KIF19: variants seen among roughly 807,000 people sequenced by gnomAD.
KIF19 encodes the protein kinesin family member 19.
KIF19 carries 98 observed loss-of-function variants against 106.6 expected under a neutral mutation model. The ratio of observed to expected loss-of-function variants is 0.92; its 90% confidence interval spans 0.78 to 1.09. KIF19 has a LOEUF of 1.09. Ranked by LOEUF, KIF19 falls within the 50% of genes least tolerant of loss-of-function variation. The pLI, the probability that KIF19 is intolerant of heterozygous loss-of-function variation, is 0.00. For synonymous variants in KIF19, 516 were observed against 584.2 expected (o/e 0.88, Z 1.68); for missense variants, 1,373 against 1,414.3 (o/e 0.97, Z 0.47).
rs2053976603 is a variant in KIF19, at chr17:74,328,469, A to G, written c.84A>G (p.Glu28=). The change falls in exon 2 of 20, where the codon GAA becomes GAG. Residue 28 remains glutamate, a synonymous_variant. Transcript: ENST00000389916. The part of the protein sequence containing the change: ...VRPISVAELE[E]GATLIAHKVD... ...CCATCAGCGTGGCAGAGCTGGAGGA[A>G]GGAGCTACCCTCATCGCCCATAAAG... is the stretch of plus-strand genomic sequence containing the variant. The G allele has an allele frequency of 6.2e-7, 1 of 1,611,172 alleles. No homozygotes were observed. Among genetic ancestry groups the G allele is most frequent in the Non-Finnish European group, 8.5e-7 (1 of 1,179,068 alleles).
intron 2 of KIF19, 80 bp from the exon 3 acceptor site, chr17:74,341,796 T>C (rs1428975655): frequency 7.5e-6 from 7 of 938,552 alleles, no homozygotes; most frequent in Non-Finnish European, 1.2e-5. Context: ...GGGTTAACTT[T>C]GTTAACCTTC....
rs1412933925 is a variant in KIF19, at chr17:74,328,425, G to A, written c.40G>A (p.Val14Met). The change falls in exon 2 of 20, where the codon GTG becomes ATG. Residue 14 changes from valine to methionine, a missense_variant and splice_region_variant. Around this residue, in one of 3 missense-constraint regions of KIF19, gnomAD observed 348 missense variants for 389.5 expected, o/e 0.89. Coordinates refer to ENST00000389916, the MANE Select transcript of KIF19 (RefSeq NM_153209.4). The part of the protein sequence containing the change: ...SGDSKDQQLM[V>M]ALRVRPISVA... ...CCAGGGGCTTGGTTTTCCCTCCCAG[G>A]TGGCGCTTCGGGTCCGGCCCATCAG... 2.5e-6 allele frequency: 4 copies of A among 1,605,672 alleles called. No individual in the cohort carries two copies. The Admixed American group carries it at 5.1e-5, about 20-fold the overall frequency.
chr17:74,346,856 C>T lies in KIF19; in HGVS notation c.924+332C>T, dbSNP rs532254248. 1.3e-5 allele frequency among the ~76,000 whole-genome samples: 2 copies of T among 152,272 alleles called. No individual in the cohort carries two copies. The highest frequency in any genetic ancestry group is 3.9e-4 in the East Asian group (2 of 5,188). Reference sequence around the variant, plus strand: ...AGATTTGGGGGTGCAGGTGGGCAGTCAGCCTCATGGCCCCACAGGTCAGCT... The same window carrying T: ...AGATTTGGGGGTGCAGGTGGGCAGTTAGCCTCATGGCCCCACAGGTCAGCT... On this transcript the variant is annotated intron_variant, in intron 8 of 19. Coordinates refer to ENST00000389916, the MANE Select transcript of KIF19 (RefSeq NM_153209.4). The surrounding 1 kb of genome is among the most constrained non-coding windows in gnomAD (Gnocchi z 4.6).
At chr17:74,332,727 G>A (rs1239753825) in intron 2 of KIF19, among the ~76,000 whole-genome samples, 6 of 152,188 alleles carry the variant, frequency 3.9e-5, no homozygotes, top group East Asian at 1.9e-4. Context: ...AGATCTGGCC[G>A]GACAGCGTGA....
At chr17:74,349,389 C>G (rs2144280833) in intron 10 of KIF19, 40 bp downstream of exon 10, 1 of 1,538,766 alleles carries the variant, frequency 6.5e-7, no homozygotes, top group African/African-American at 1.4e-5. Context: ...CCCCCTCCGG[C>G]CAGCCTCACG....
rs75058741 is a variant in KIF19, at chr17:74,349,488, G to A, written c.1213+139G>A. The A allele has an allele frequency of 2.8e-3, 2,163 of 778,246 alleles. 34 individuals are homozygous for A. In the African/African-American group the frequency reaches 0.034, roughly 12 times the overall value. 48.2% of individuals were successfully genotyped at this position (778,246 alleles called of 1,614,324 possible). Reference sequence around the variant, plus strand: ...TGAGCTAGGCACTCACCAGCTCTGAGCCTCCTAGCATTCAGCTGTTAAATG... The same window carrying A: ...TGAGCTAGGCACTCACCAGCTCTGAACCTCCTAGCATTCAGCTGTTAAATG... On this transcript the variant is annotated intron_variant, in intron 10 of 19. Coordinates refer to ENST00000389916, the MANE Select transcript of KIF19 (RefSeq NM_153209.4).
chr17:74,336,658 C>T (rs1176242439), intron 2 of KIF19, among the ~76,000 whole-genome samples: 1 of 152,206 alleles, frequency 6.6e-6, no homozygotes, highest in Non-Finnish European at 1.5e-5. Flanking sequence ...GCTGTTTGTC[C>T]ACTCGTGCCC....
At chr17:74,350,624 C>G in intron 11 of KIF19, 49 bp downstream of exon 11, 1 of 1,608,814 alleles carries the variant, frequency 6.2e-7, no homozygotes, top group Admixed American at 1.7e-5. Flanking sequence ...GTGCCTGGGA[C>G]AGAGGAGCAC....
Position 74,346,368 on chromosome 17 carries a change from C to T in KIF19, c.778-10C>T, listed in dbSNP as rs549830330. 11 of 1,567,642 alleles carry T rather than the reference C, an allele frequency of 7.0e-6. No homozygotes were observed. The highest frequency in any genetic ancestry group is 3.7e-5 in the Admixed American group (2 of 54,108). On this transcript the variant is annotated splice_polypyrimidine_tract_variant and intron_variant, in intron 7 of 19. Transcript: ENST00000389916. The surrounding 1 kb of genome is among the most constrained non-coding windows in gnomAD (Gnocchi z 4.6). Reference sequence around the variant, plus strand: ...TCAGGCCACACGTGTGCCCTTTGCTCGCCCCCTAGACACAGAATCGTGGGC... The same window carrying T: ...TCAGGCCACACGTGTGCCCTTTGCTTGCCCCCTAGACACAGAATCGTGGGC...
At chr17:74,345,059 G>T (rs1014235158) in intron 7 of KIF19, 104 bp downstream of exon 7, 1 of 1,152,554 alleles carries the variant, frequency 8.7e-7, no homozygotes, top group African/African-American at 1.5e-5. Context: ...ACAGGAACAG[G>T]GGAGACAGGT....
intron 1 of KIF19, among the ~76,000 whole-genome samples, chr17:74,326,775 C>G (rs1038542381): frequency 1.3e-5 from 2 of 152,142 alleles, no homozygotes; most frequent in African/African-American, 4.8e-5. Flanking sequence ...AGAGGCTGCT[C>G]CAGCCCTGGT....
rs1337520049 is a variant in KIF19 at position 74,354,516 on chromosome 17, G to A, written c.2663G>A (p.Arg888Lys). The change falls in exon 18 of 20, where the codon AGA becomes AAA. Residue 888 changes from arginine (R) to lysine (K), a missense_variant. Transcript: ENST00000389916. Reference protein sequence around the residue: ...KKREESLEAKRRKRRSRSFEV... With the variant: ...KKREESLEAKKRKRRSRSFEV... ...AGGGAGGAGTCGCTGGAGGCAAAGA[G>A]AAGGAAGCGGAGGTCCCGATCCTTC... is the stretch of plus-strand genomic sequence containing the variant. The A allele has an allele frequency of 1.2e-6, 2 of 1,603,220 alleles. No individual in the cohort carries two copies. Among genetic ancestry groups the A allele is most frequent in the African/African-American group, 1.3e-5 (1 of 74,932 alleles).
intron 2 of KIF19, among the ~76,000 whole-genome samples, chr17:74,335,655 G>A (rs539016869): frequency 6.6e-6 from 1 of 152,384 alleles, no homozygotes; most frequent in African/African-American, 2.4e-5. Flanking sequence ...TGCTGAGTTG[G>A]GAGCCTGGAG....
Position 74,341,931 on chromosome 17 carries a change from G to C in KIF19, c.176G>C (p.Arg59Pro). The change falls in exon 3 of 20, where the codon CGC becomes CCC. Residue 59 changes from arginine to proline, a missense_variant. Physicochemically the swap from Arg to Pro is moderately radical, Grantham distance 103. This residue lies in a region of KIF19 where 348 missense variants were observed against 389.5 expected (regional missense o/e 0.89). Transcript: ENST00000389916. ...EDPDDILRAH[R>P]SREKSYLFDV... ...CCCGACGACATCCTGCGGGCGCATC[G>C]CTCCCGGGAGAAGTCCTACCTGTTC... 6.2e-7 allele frequency: 1 copy of C among 1,613,366 alleles called. No individual in the cohort carries two copies. Among genetic ancestry groups the C allele is most frequent in the Non-Finnish European group, 8.5e-7 (1 of 1,179,690 alleles).
At position 74,346,827 on chromosome 17, in the gene KIF19, G is replaced by T. The variant is rs1356589488; in HGVS notation, c.924+303G>T. On this transcript the variant is annotated intron_variant, in intron 8 of 19. Coordinates refer to ENST00000389916, the MANE Select transcript of KIF19 (RefSeq NM_153209.4). This position sits in a 1 kb window ranked among gnomAD's most constrained non-coding sequence, Gnocchi z 4.6. ...CCACCCAGGGCTGTGGGTCAGAGCC[G>T]TCTAGATTTGGGGGTGCAGGTGGGC... Among the ~76,000 whole-genome samples, 1 of 152,298 alleles carries T rather than the reference G, an allele frequency of 6.6e-6. No individual in the cohort carries two copies. Among genetic ancestry groups the T allele is most frequent in the South Asian group, 2.1e-4 (1 of 4,826 alleles).
At chr17:74,328,373 GC>G in intron 1 of KIF19, 51 bp from the exon 2 acceptor site, 1 of 1,530,692 alleles carries the variant, frequency 6.5e-7, no homozygotes, top group Non-Finnish European at 8.9e-7. Context: ...TCTCTCTGAG[GC>G]CCAGCATGGT....
intron 2 of KIF19, among the ~76,000 whole-genome samples, chr17:74,335,072 C>T (rs958479335): frequency 8.5e-5 from 13 of 152,188 alleles, no homozygotes; most frequent in African/African-American, 2.2e-4. Context: ...CCCCCTCCCT[C>T]GGAGATTTTT....
intron 7 of KIF19, 54 bp downstream of exon 7, chr17:74,345,009 C>T (rs568463083): frequency 1.2e-5 from 18 of 1,496,282 alleles, no homozygotes; most frequent in Admixed American, 5.9e-5. Flanking sequence ...CAGGCAACAG[C>T]GGAGGGCAGG....
rs572959222 is a variant in KIF19, at chr17:74,342,987, C to G, written c.320-37C>G. On this transcript the variant is annotated intron_variant, in intron 4 of 19. Coordinates refer to ENST00000389916, the MANE Select transcript of KIF19 (RefSeq NM_153209.4). ...CTGCCCAGCAAGGCCTCCCTCCCAG[C>G]CCCACCCCGGTCACCCTCCACCTTG... The G allele has an allele frequency of 1.9e-5, 30 of 1,560,958 alleles. 1 individual carries two copies. In the South Asian group the frequency reaches 3.5e-4, roughly 18 times the overall value.
Sources: allele counts gnomAD v4.1 joint callset (sites outside exome capture counted in the v4.1 genomes callset), GRCh38; gene constraint gnomAD v4.1.1; regional missense constraint gnomAD v4.1.1; non-coding constraint Gnocchi (gnomAD v3.1); transcripts MANE v1.5; gene names NCBI Gene and HGNC (gene_info 2026-07-23, HGNC 2026-07-21).